Variants in CHST9 observed in about 807,000 individuals in gnomAD.
CHST9 encodes the protein carbohydrate sulfotransferase 9.
In CHST9, 41 loss-of-function variants were observed where a neutral mutation model predicts 44.4. That is an observed-to-expected ratio of 0.92 (90% confidence interval 0.72 to 1.20). CHST9 has a LOEUF of 1.20. Ranked by LOEUF, CHST9 falls within the 50% of genes most tolerant of loss-of-function variation. The pLI, the probability that CHST9 is intolerant of heterozygous loss-of-function variation, is 0.00. For synonymous variants in CHST9, 171 were observed against 178.4 expected, an observed-to-expected ratio of 0.96 and a Z score of 0.33; for missense variants, 504 against 516.5, an observed-to-expected ratio of 0.98 and a Z score of 0.23.
chr18:27,070,268 A>G (rs1321952226), intron 2 of CHST9, among the ~76,000 whole-genome samples: 1 of 152,190 alleles, frequency 6.6e-6, no homozygotes, highest in Non-Finnish European at 1.5e-5. Flanking sequence ...GGGGCTCCAC[A>G]CTTAATGCTC....
At chr18:27,128,901 T>A (rs1322765918) in intron 2 of CHST9, among the ~76,000 whole-genome samples, 1 of 152,218 alleles carries the variant, frequency 6.6e-6, no homozygotes, top group Non-Finnish European at 1.5e-5. Flanking sequence ...TTGGCTGCTC[T>A]GTCTTTTTGG....
chr18:27,152,685 T>C (rs2058668238), intron 1 of CHST9, among the ~76,000 whole-genome samples: 1 of 152,118 alleles, frequency 6.6e-6, no homozygotes, highest in Non-Finnish European at 1.5e-5. Flanking sequence ...AAGTAACATG[T>C]AAGGTACATC....
intron 2 of CHST9, among the ~76,000 whole-genome samples, chr18:27,141,092 C>T (rs1480346955): frequency 1.3e-5 from 2 of 152,264 alleles, no homozygotes; most frequent in East Asian, 1.9e-4. Flanking sequence ...GGCACGGTGG[C>T]TCACGCCTGT....
At chr18:27,088,839 C>T (rs915076437) in intron 2 of CHST9, among the ~76,000 whole-genome samples, 3 of 152,160 alleles carry the variant, frequency 2.0e-5, no homozygotes, top group African/African-American at 7.2e-5. Context: ...AGCTGCCAGA[C>T]AGGGTTTCAC....
chr18:27,043,793 C>A (rs1361354099), intron 3 of CHST9, among the ~76,000 whole-genome samples: 1 of 152,022 alleles, frequency 6.6e-6, no homozygotes, highest in East Asian at 1.9e-4. Flanking sequence ...ACTTCATTAG[C>A]TTTCAGCACT....
chr18:26,989,215 A>C (rs567885677), intron 4 of CHST9, among the ~76,000 whole-genome samples: 1 of 152,310 alleles, frequency 6.6e-6, no homozygotes, highest in Non-Finnish European at 1.5e-5. Flanking sequence ...ATATCAGAAT[A>C]CATAAAGAAA....
At chr18:27,182,459 GA>G (rs2058920110) in intron 1 of CHST9, among the ~76,000 whole-genome samples, 1 of 152,152 alleles carries the variant, frequency 6.6e-6, no homozygotes, top group East Asian at 1.9e-4. Flanking sequence ...TGCAAAGTGT[GA>G]AAAAGATCAT....
At chr18:27,097,766 G>C (rs961228324) in intron 2 of CHST9, among the ~76,000 whole-genome samples, 1 of 152,108 alleles carries the variant, frequency 6.6e-6, no homozygotes, top group African/African-American at 2.4e-5. Context: ...TGTATAAGAT[G>C]TAAGGAAGGG....
chr18:26,922,442 G>C (rs1439447373), intron 5 of CHST9, among the ~76,000 whole-genome samples: 1 of 151,996 alleles, frequency 6.6e-6, no homozygotes, highest in East Asian at 1.9e-4. Flanking sequence ...TTTAACTGCA[G>C]CTAAATTGTA....
In CHST9 at chr18:26,919,689, G is replaced by A. The variant is rs180724236; in HGVS notation, c.241-2339C>T. On this transcript the variant is annotated intron_variant, in intron 5 of 5. Transcript: ENST00000618847. ...CCCTCACCAGGTCTCTTCTCTGCTTGACAATCAGAAATAAAAACAAAATCC... is the reference window on the plus strand; with the variant it reads ...CCCTCACCAGGTCTCTTCTCTGCTTAACAATCAGAAATAAAAACAAAATCC... Among the ~76,000 whole-genome samples the A allele has an allele frequency of 2.0e-5, 3 of 152,090 alleles. No homozygotes were observed. The East Asian group carries it at 5.8e-4, about 30-fold the overall frequency.
intron 5 of CHST9, among the ~76,000 whole-genome samples, chr18:26,937,568 GAT>G (rs1284644201): frequency 6.6e-6 from 1 of 152,162 alleles, no homozygotes. Context: ...ATTAAGGAAA[GAT>G]ATTTAAAGCA....
intron 2 of CHST9, among the ~76,000 whole-genome samples, chr18:27,105,981 C>T (rs2058217814): frequency 6.6e-6 from 1 of 152,118 alleles, no homozygotes; most frequent in African/African-American, 2.4e-5. Flanking sequence ...GATTCCGACT[C>T]ACTGTGTAAA....
In CHST9 at chr18:27,109,510, T is replaced by A. The variant is rs555301173; in HGVS notation, c.121+33179A>T. Among the ~76,000 whole-genome samples the A allele has an allele frequency of 1.9e-4, 29 of 152,324 alleles. No homozygotes were observed. In the South Asian group the frequency reaches 5.8e-3, roughly 30 times the overall value. On this transcript the variant is annotated intron_variant, in intron 2 of 5. Transcript: ENST00000618847. ...AGAGGAAAGGGCATGCAGCCACAGT[T>A]GAAGACTACGCAAAGCGTTTGACTG...
chr18:26,931,344 G>A (rs1253235735), intron 5 of CHST9, among the ~76,000 whole-genome samples: 1 of 152,122 alleles, frequency 6.6e-6, no homozygotes, highest in Non-Finnish European at 1.5e-5. Context: ...CCACTGAAGG[G>A]GTAAGGAAGT....
In CHST9 at chr18:26,910,434, G is replaced by A. The variant is rs1180753144; in HGVS notation, c.*5825C>T. On this transcript the variant is annotated 3_prime_UTR_variant, in exon 6 of 6. Transcript: ENST00000618847. ...CACTCTTCAGAGCAGGACTTGAAAA[G>A]TGAGATGCTTAGGGGCCAGGCAAGT... is the stretch of plus-strand genomic sequence containing the variant. 6.6e-6 allele frequency: 1 copy of A among 152,286 alleles called. No homozygotes were observed. Among genetic ancestry groups the A allele is most frequent in the East Asian group, 1.9e-4 (1 of 5,192 alleles). 9.4% of individuals were successfully genotyped at this position (152,286 alleles called of 1,614,324 possible). A position where few individuals can be genotyped will look rare whatever the true frequency, so the allele number is the denominator to read the frequency against.
intron 4 of CHST9, among the ~76,000 whole-genome samples, chr18:26,980,246 T>G (rs1410479327): frequency 6.6e-6 from 1 of 152,182 alleles, no homozygotes; most frequent in African/African-American, 2.4e-5. Flanking sequence ...AAGAAGACTA[T>G]GAGCTCCTTT....
At chr18:26,986,668 T>C (rs1181981354) in intron 4 of CHST9, among the ~76,000 whole-genome samples, 1 of 151,722 alleles carries the variant, frequency 6.6e-6, no homozygotes, top group East Asian at 1.9e-4. Flanking sequence ...AAAAGGAAAA[T>C]CTTAAAAACA....
chr18:27,144,068 A>G lies in CHST9; in HGVS notation c.-96-1163T>C, dbSNP rs113671752. Among the ~76,000 whole-genome samples, 1,206 of 152,344 alleles carry G rather than the reference A, an allele frequency of 7.9e-3. 18 individuals carry two copies. Among genetic ancestry groups the G allele is most frequent in the African/African-American group, 0.028 (1,148 of 41,574 alleles). ...CGTGTGGTGAGCTCACCTAGTTAGC[A>G]GCCCGGCTAATGGGGCCAAGGTCAC... On this transcript the variant is annotated intron_variant, in intron 1 of 5. Coordinates refer to ENST00000618847, the MANE Select transcript of CHST9 (RefSeq NM_031422.6).
intron 5 of CHST9, among the ~76,000 whole-genome samples, chr18:26,932,740 T>C (rs1471524749): frequency 6.6e-6 from 1 of 152,226 alleles, no homozygotes; most frequent in Non-Finnish European, 1.5e-5. Flanking sequence ...AGTTGCAGTA[T>C]CTTCAACTCC....
Sources: gnomAD v4.1 joint callset for allele counts (sites outside exome capture counted in the v4.1 genomes callset) on GRCh38, gnomAD v4.1.1 for gene constraint, MANE v1.5 for transcripts, NCBI Gene and HGNC (gene_info 2026-07-23, HGNC 2026-07-21) for gene names.